Variants in GTF2E1 observed in about 807,000 individuals in gnomAD.
GTF2E1 encodes the protein TFIIE alpha subunit.
Under a neutral mutation model 34.9 loss-of-function variants are expected in GTF2E1, and 14 were observed. The ratio of observed to expected loss-of-function variants is 0.40; its 90% CI spans 0.27 to 0.63. The LOEUF (loss-of-function observed/expected upper bound fraction) is 0.63. GTF2E1 is among the 20% of genes least tolerant of loss of function. The pLI, the probability that GTF2E1 is intolerant of heterozygous loss-of-function variation, is 0.39. For missense variants in GTF2E1, 469 were observed against 557.7 expected (o/e 0.84, Z 1.60); for synonymous variants, 188 against 192.9 (o/e 0.97, Z 0.21).
intron 2 of GTF2E1, among the ~76,000 whole-genome samples, chr3:120,763,396 G>A (rs969038780): frequency 6.6e-6 from 1 of 151,648 alleles, no homozygotes; most frequent in African/African-American, 2.4e-5. Context: ...ATTGAATTTT[G>A]GGGGGTGGTT....
At chr3:120,777,039 G>A (rs572521756) in intron 4 of GTF2E1, among the ~76,000 whole-genome samples, 12 of 152,020 alleles carry the variant, frequency 7.9e-5, no homozygotes, top group Admixed American at 6.6e-4. Context: ...AAAACTATAC[G>A]CTACCCCAAA....
chr3:120,771,601 A>G (rs1227732222), intron 3 of GTF2E1, among the ~76,000 whole-genome samples: 4 of 152,056 alleles, frequency 2.6e-5, no homozygotes, highest in Non-Finnish European at 5.9e-5. Flanking sequence ...AGTAAGGGAT[A>G]TCTTTATTTA....
chr3:120,760,307 A>G (rs981853332), intron 2 of GTF2E1, among the ~76,000 whole-genome samples: 1 of 152,208 alleles, frequency 6.6e-6, no homozygotes, highest in African/African-American at 2.4e-5. Flanking sequence ...GAAATTGCTT[A>G]TCAGGTGAAG....
At chr3:120,749,343 G>T (rs1196765319) in intron 1 of GTF2E1, among the ~76,000 whole-genome samples, 1 of 152,114 alleles carries the variant, frequency 6.6e-6, no homozygotes, top group Non-Finnish European at 1.5e-5. Context: ...GTTTTCAAAG[G>T]GAATGCTTCC....
In GTF2E1 at chr3:120,781,661, TC is replaced by T. The variant is rs1278515347; in HGVS notation, c.*193del. 1 of 583,866 alleles carries T rather than the reference TC, an allele frequency of 1.7e-6. No individual in the cohort carries two copies. Among genetic ancestry groups the T allele is most frequent in the Non-Finnish European group, 3.1e-6 (1 of 327,684 alleles). The allele number at this position is 583,866 out of a possible 1,614,324, so 36.2% of individuals were successfully genotyped here. A position where few individuals can be genotyped will look rare whatever the true frequency, so the allele number is the denominator to read the frequency against. On this transcript the variant is annotated 3_prime_UTR_variant, in exon 5 of 5. Transcript: ENST00000283875. ...TCCCAGCAAGGTAGGGTGCTGAGAATCCTACCCTTCCTTGCTGTCACTACAG... is the reference window on the plus strand; with the variant it reads ...TCCCAGCAAGGTAGGGTGCTGAGAATCTACCCTTCCTTGCTGTCACTACAG...
chr3:120,769,322 A>G lies in GTF2E1; in HGVS notation c.449-1406A>G, dbSNP rs377291452. Among the ~76,000 whole-genome samples the G allele has an allele frequency of 8.6e-4, 131 of 152,268 alleles. 1 individual carries two copies. Among genetic ancestry groups the G allele is most frequent in the African/African-American group, 3.1e-3 (128 of 41,560 alleles). ...CAAAAGCTATCAGGTACGCACCTGT[A>G]GTAAACAAAGTTAGGTTTATTGATG... On this transcript the variant is annotated intron_variant, in intron 2 of 4. Transcript: ENST00000283875.
At chr3:120,773,886 A>G (rs1460251820) in intron 3 of GTF2E1, among the ~76,000 whole-genome samples, 1 of 152,206 alleles carries the variant, frequency 6.6e-6, no homozygotes, top group East Asian at 1.9e-4. Flanking sequence ...ACAGAATACT[A>G]AAAACAAAAG....
rs71133517 is a variant in GTF2E1 at position 120,781,715 on chromosome 3, CTTTTTTT to C, written c.*255_*261del. ...TTAATATTTTACTGTATTTTCTTTT[CTTTTTTT>C]TTTTTTTTTGGAGATGAAGTCTCAC... is the stretch of plus-strand genomic sequence containing the variant. On this transcript the variant is annotated 3_prime_UTR_variant, in exon 5 of 5. Transcript: ENST00000283875. 1.8e-5 allele frequency: 4 copies of C among 224,904 alleles called. No individual in the cohort carries two copies. The highest frequency in any genetic ancestry group is 2.7e-5 in the African/African-American group (1 of 37,014). 13.9% of individuals were successfully genotyped at this position (224,904 alleles called of 1,614,324 possible).
chr3:120,748,248 A>G (rs1709125948), intron 1 of GTF2E1, among the ~76,000 whole-genome samples: 1 of 151,352 alleles, frequency 6.6e-6, no homozygotes, highest in South Asian at 2.1e-4. Context: ...GAAGCTCTTT[A>G]GTTTAATTAG....
At chr3:120,747,907 AC>A (rs1420957637) in intron 1 of GTF2E1, among the ~76,000 whole-genome samples, 1 of 152,080 alleles carries the variant, frequency 6.6e-6, no homozygotes, top group Non-Finnish European at 1.5e-5. Flanking sequence ...CCTCTCCAGC[AC>A]CTGTTGTTTC....
chr3:120,779,056 G>T (rs1463002402), intron 4 of GTF2E1, among the ~76,000 whole-genome samples: 1 of 152,066 alleles, frequency 6.6e-6, no homozygotes, highest in Non-Finnish European at 1.5e-5. Flanking sequence ...GTTGAAAAAG[G>T]CTGTTCCTAG....
intron 2 of GTF2E1, among the ~76,000 whole-genome samples, chr3:120,767,788 G>C (rs1049145932): frequency 6.6e-6 from 1 of 152,100 alleles, no homozygotes; most frequent in African/African-American, 2.4e-5. Flanking sequence ...AGTAACTCCT[G>C]TTAAGTTTGG....
chr3:120,770,229 C>T (rs1159771179), intron 2 of GTF2E1, among the ~76,000 whole-genome samples: 3 of 151,968 alleles, frequency 2.0e-5, no homozygotes, highest in Non-Finnish European at 2.9e-5. Flanking sequence ...TGAGTTTTAG[C>T]ATAATAGATT....
At chr3:120,755,817 T>G (rs2107606923) in intron 2 of GTF2E1, among the ~76,000 whole-genome samples, 1 of 152,312 alleles carries the variant, frequency 6.6e-6, no homozygotes, top group South Asian at 2.1e-4. Flanking sequence ...GTCCCCGAAT[T>G]CAATCATTTT....
intron 1 of GTF2E1, among the ~76,000 whole-genome samples, chr3:120,747,825 TG>T (rs1264132270): frequency 1.3e-5 from 2 of 152,242 alleles, no homozygotes; most frequent in African/African-American, 4.8e-5. Context: ...ATCGCCACAC[TG>T]ACTTCCACAA....
intron 2 of GTF2E1, among the ~76,000 whole-genome samples, chr3:120,760,464 T>C (rs1454490727): frequency 6.6e-6 from 1 of 152,216 alleles, no homozygotes; most frequent in African/African-American, 2.4e-5. Context: ...TCCAACACTA[T>C]GTTGAATAGG....
At chr3:120,777,768 T>C (rs958368221) in intron 4 of GTF2E1, among the ~76,000 whole-genome samples, 1 of 152,172 alleles carries the variant, frequency 6.6e-6, no homozygotes, top group African/African-American at 2.4e-5. Flanking sequence ...CTCTGTTGCC[T>C]AGGTTGGAGT....
intron 2 of GTF2E1, among the ~76,000 whole-genome samples, chr3:120,752,421 T>G (rs1709171562): frequency 1.3e-5 from 2 of 152,176 alleles, no homozygotes; most frequent in African/African-American, 4.8e-5. Context: ...GTTTTAACAG[T>G]GGAGGCTTCA....
intron 3 of GTF2E1, among the ~76,000 whole-genome samples, chr3:120,774,404 G>A (rs534178876): frequency 3.9e-5 from 6 of 152,114 alleles, no homozygotes; most frequent in South Asian, 2.1e-4. Context: ...AGAAAAGTTC[G>A]AAAAGCCAAC....
Sources: allele counts gnomAD v4.1 joint callset (sites outside exome capture counted in the v4.1 genomes callset), GRCh38; gene constraint gnomAD v4.1.1; transcripts MANE v1.5; gene names NCBI Gene and HGNC (gene_info 2026-07-23, HGNC 2026-07-21).